Variants in FBXL7 observed in about 807,000 individuals in gnomAD.
The protein encoded by FBXL7 is F-box and leucine rich repeat protein 7.
In FBXL7, 12 loss-of-function variants were observed where a neutral mutation model predicts 38.3. That is an observed-to-expected ratio of 0.31 (90% confidence interval 0.20 to 0.51). The LOEUF (loss-of-function observed/expected upper bound fraction) is 0.51, where lower values mean the gene tolerates loss of function less well. FBXL7 is among the 20% of genes least tolerant of loss of function. FBXL7 has a pLI of 0.98. For missense variants in FBXL7, 567 were observed against 676.4 expected (o/e 0.84, Z 1.79); for synonymous variants, 297 against 300.9 (o/e 0.99, Z 0.13).
intron 2 of FBXL7, among the ~76,000 whole-genome samples, chr5:15,667,116 A>C (rs1023629218): frequency 6.6e-6 from 1 of 152,194 alleles, no homozygotes; most frequent in African/African-American, 2.4e-5. Flanking sequence ...ACTAGTGCAT[A>C]ATATTGGAAG....
At chr5:15,808,383 C>T (rs924935926) in intron 2 of FBXL7, among the ~76,000 whole-genome samples, 1 of 152,058 alleles carries the variant, frequency 6.6e-6, no homozygotes, top group Non-Finnish European at 1.5e-5. Context: ...AGTTGTAAAT[C>T]CTTCCATATC....
intron 2 of FBXL7, among the ~76,000 whole-genome samples, chr5:15,864,272 T>C (rs1403160216): frequency 6.6e-6 from 1 of 152,024 alleles, no homozygotes; most frequent in Non-Finnish European, 1.5e-5. Flanking sequence ...AGTCTAGGTA[T>C]TCCTTTATAG....
At chr5:15,598,393 G>A (rs1292799050) in intron 1 of FBXL7, among the ~76,000 whole-genome samples, 5 of 152,194 alleles carry the variant, frequency 3.3e-5, no homozygotes, top group African/African-American at 1.2e-4. Flanking sequence ...GGAAAAAAGT[G>A]TCTTACTTTA....
intron 2 of FBXL7, among the ~76,000 whole-genome samples, chr5:15,823,055 G>A (rs930434220): frequency 6.6e-6 from 1 of 152,086 alleles, no homozygotes; most frequent in African/African-American, 2.4e-5. Flanking sequence ...CAAACCCAAG[G>A]AATCAACCTT....
intron 2 of FBXL7, among the ~76,000 whole-genome samples, chr5:15,779,957 C>T (rs1032267235): frequency 6.6e-6 from 1 of 152,182 alleles, no homozygotes; most frequent in African/African-American, 2.4e-5. Context: ...ACCTTTACCT[C>T]ATTCCAGATG....
intron 2 of FBXL7, among the ~76,000 whole-genome samples, chr5:15,687,682 A>G (rs1743056639): frequency 6.6e-6 from 1 of 151,906 alleles, no homozygotes; most frequent in East Asian, 1.9e-4. Context: ...ACAGTCCTGC[A>G]CAGTGAGGAC....
intron 2 of FBXL7, among the ~76,000 whole-genome samples, chr5:15,686,383 A>C (rs1743016956): frequency 6.6e-6 from 1 of 152,208 alleles, no homozygotes; most frequent in African/African-American, 2.4e-5. Flanking sequence ...AACTGTTGTT[A>C]AATTAATTTG....
rs182929417 is a variant in FBXL7, at chr5:15,733,425, G to A, written c.127+117353G>A. 3.9e-5 allele frequency among the ~76,000 whole-genome samples: 6 copies of A among 152,282 alleles called. No homozygotes were observed. In the East Asian group the frequency reaches 1.2e-3, roughly 29 times the overall value. ...TTTAATGTGAACACAATTACAAGAA[G>A]AAAATAGTGTATTATAATAATTGTT... is the stretch of plus-strand genomic sequence containing the variant. On this transcript the variant is annotated intron_variant, in intron 2 of 3. Coordinates refer to ENST00000504595, the MANE Select transcript of FBXL7 (RefSeq NM_012304.5).
chr5:15,912,282 G>A (rs576719706), intron 2 of FBXL7, among the ~76,000 whole-genome samples: 15 of 106,666 alleles, frequency 1.4e-4, no homozygotes, highest in Middle Eastern at 3.8e-3. Context: ...GGAGTGACCC[G>A]ATTTTCCAGG....
intron 1 of FBXL7, among the ~76,000 whole-genome samples, chr5:15,584,355 C>G (rs940930739): frequency 3.3e-5 from 5 of 152,144 alleles, no homozygotes; most frequent in African/African-American, 1.2e-4. Context: ...GCAAATTTTC[C>G]AAACTTTTAT....
intron 2 of FBXL7, among the ~76,000 whole-genome samples, chr5:15,769,599 A>T (rs943266761): frequency 6.6e-6 from 1 of 152,242 alleles, no homozygotes; most frequent in African/African-American, 2.4e-5. Context: ...GCAAAATACT[A>T]AAGTAAATGG....
chr5:15,737,602 G>A (rs1314856560), intron 2 of FBXL7, among the ~76,000 whole-genome samples: 11 of 152,146 alleles, frequency 7.2e-5, no homozygotes, highest in Admixed American at 6.5e-4. Context: ...AATGTATTTT[G>A]TTAATTGCAC....
At chr5:15,777,010 A>G (rs1022941356) in intron 2 of FBXL7, among the ~76,000 whole-genome samples, 6 of 152,138 alleles carry the variant, frequency 3.9e-5, no homozygotes, top group African/African-American at 9.7e-5. Context: ...AGGAAGCTCA[A>G]TATGCACACA....
chr5:15,517,419 GCTTT>G (rs1420871272), intron 1 of FBXL7, among the ~76,000 whole-genome samples: 1 of 152,170 alleles, frequency 6.6e-6, no homozygotes, highest in East Asian at 1.9e-4. Context: ...GTTTACAAGG[GCTTT>G]CTAACTGAGT....
Position 15,639,747 on chromosome 5 carries a change from A to G in FBXL7, c.127+23675A>G, listed in dbSNP as rs147588290. ...GTAAGGGCTACTAGATTACTGCCAG[A>G]CACATGGAAAATGCTCAATGAACAT... is the stretch of plus-strand genomic sequence containing the variant. On this transcript the variant is annotated intron_variant, in intron 2 of 3. Coordinates refer to ENST00000504595, the MANE Select transcript of FBXL7 (RefSeq NM_012304.5). Among the ~76,000 whole-genome samples, 9 of 151,780 alleles carry G rather than the reference A, an allele frequency of 5.9e-5. No individual in the cohort carries two copies. The East Asian group carries it at 1.7e-3, about 29-fold the overall frequency.
At chr5:15,666,746 T>A (rs1305265039) in intron 2 of FBXL7, among the ~76,000 whole-genome samples, 1 of 152,194 alleles carries the variant, frequency 6.6e-6, no homozygotes, top group Non-Finnish European at 1.5e-5. Flanking sequence ...TCTCTGACTT[T>A]CTTTATTCAC....
intron 1 of FBXL7, among the ~76,000 whole-genome samples, chr5:15,521,442 G>A (rs1279403273): frequency 6.6e-6 from 1 of 152,158 alleles, no homozygotes; most frequent in Non-Finnish European, 1.5e-5. Context: ...GCTTGGTGTT[G>A]ATTAAATAGG....
intron 2 of FBXL7, among the ~76,000 whole-genome samples, chr5:15,700,157 G>T (rs1239590008): frequency 6.6e-6 from 1 of 152,144 alleles, no homozygotes; most frequent in Non-Finnish European, 1.5e-5. Context: ...CTCCCATTAT[G>T]ACTGATTTCC....
At chr5:15,669,315 A>G (rs746238591) in intron 2 of FBXL7, among the ~76,000 whole-genome samples, 2 of 152,234 alleles carry the variant, frequency 1.3e-5, no homozygotes, top group Non-Finnish European at 2.9e-5. Flanking sequence ...AGATAAGTTC[A>G]GGAATTTTAA....
Sources: gnomAD v4.1 joint callset for allele counts (sites outside exome capture counted in the v4.1 genomes callset) on GRCh38, gnomAD v4.1.1 for gene constraint, MANE v1.5 for transcripts, NCBI Gene and HGNC (gene_info 2026-07-23, HGNC 2026-07-21) for gene names.